Variants in NNMT observed in about 807,000 individuals in gnomAD.
NNMT encodes nicotinamide N-methyltransferase.
Under a neutral mutation model 11.7 loss-of-function variants are expected in NNMT, and 10 were observed. The observed-to-expected ratio is 0.85, with a 90% CI of 0.53 to 1.45. The LOEUF (loss-of-function observed/expected upper bound fraction) is 1.45, where lower values mean the gene tolerates loss of function less well. Ranked by LOEUF, NNMT falls within the 40% of genes most tolerant of loss-of-function variation. The probability of loss-of-function intolerance (pLI) is 0.00; values close to 1 mark genes in which losing one functional copy is unlikely to be tolerated. For missense variants in NNMT, 381 were observed against 319.4 expected, an observed-to-expected ratio of 1.19 and a Z score of -1.47; for synonymous variants, 143 against 133.8, an observed-to-expected ratio of 1.07 and a Z score of -0.48.
chr11:114,297,901 A>G (rs761668745), intron 1 of NNMT, 50 bp from the exon 2 acceptor site: 19 of 1,517,410 alleles, frequency 1.3e-5, no homozygotes, highest in Non-Finnish European at 1.7e-5. Flanking sequence ...GACTCTGCCC[A>G]CTGCCATGAG....
intron 2 of NNMT, among the ~76,000 whole-genome samples, chr11:114,306,614 C>T (rs1358294523): frequency 2.6e-5 from 4 of 152,012 alleles, no homozygotes; most frequent in Non-Finnish European, 5.9e-5. Context: ...GAATCCTTTC[C>T]CTATTTCTTG....
intron 2 of NNMT, among the ~76,000 whole-genome samples, chr11:114,288,244 G>A (rs987755457): frequency 6.6e-6 from 1 of 152,096 alleles, no homozygotes; most frequent in South Asian, 2.1e-4. Flanking sequence ...TGTCCAGGAT[G>A]TTGAATGAAA....
chr11:114,275,052 C>G (rs760220470), intron 2 of NNMT, among the ~76,000 whole-genome samples: 4 of 152,216 alleles, frequency 2.6e-5, no homozygotes, highest in Non-Finnish European at 5.9e-5. Flanking sequence ...ATAGCATCTT[C>G]ACTCCCAAAA....
chr11:114,265,424 G>C (rs1436579813), intron 2 of NNMT, among the ~76,000 whole-genome samples: 1 of 152,122 alleles, frequency 6.6e-6, no homozygotes, highest in Non-Finnish European at 1.5e-5. Flanking sequence ...TTCTGCTGGA[G>C]CTCTGGATAT....
chr11:114,271,432 C>T (rs1159129778), intron 2 of NNMT, among the ~76,000 whole-genome samples: 2 of 152,200 alleles, frequency 1.3e-5, no homozygotes, highest in Admixed American at 6.5e-5. Flanking sequence ...TTAATGTCTA[C>T]TACCTATTTG....
chr11:114,268,357 CAG>C (rs1286135773), intron 2 of NNMT, among the ~76,000 whole-genome samples: 2 of 152,154 alleles, frequency 1.3e-5, no homozygotes, highest in Non-Finnish European at 2.9e-5. Context: ...CACTTGTTCA[CAG>C]AGTTCCCTCT....
intron 2 of NNMT, among the ~76,000 whole-genome samples, chr11:114,288,784 C>T (rs1945315973): frequency 6.6e-6 from 1 of 152,120 alleles, no homozygotes; most frequent in South Asian, 2.1e-4. Context: ...TAAACCAGTT[C>T]CTGAAAAATA....
At chr11:114,295,339 T>C (rs1052646692), upstream of NNMT, among the ~76,000 whole-genome samples, 1 of 152,092 alleles carries the variant, frequency 6.6e-6, no homozygotes, top group African/African-American at 2.4e-5. Context: ...GAAAGAATGC[T>C]TTAGCGGGGA....
intron 2 of NNMT, among the ~76,000 whole-genome samples, chr11:114,284,644 A>G (rs1945283790): frequency 6.6e-6 from 1 of 150,612 alleles, no homozygotes. Flanking sequence ...TTGTATTTTT[A>G]GTAGAGACGG....
At chr11:114,278,540 G>T (rs1268486383) in intron 2 of NNMT, among the ~76,000 whole-genome samples, 1 of 152,128 alleles carries the variant, frequency 6.6e-6, no homozygotes, top group Non-Finnish European at 1.5e-5. Context: ...TGATAGAACA[G>T]GCCAGTGCTC....
chr11:114,298,039 C>T lies in NNMT; in HGVS notation c.243C>T (p.Ile81=), dbSNP rs777640476. 2.5e-6 allele frequency: 4 copies of T among 1,613,934 alleles called. No individual in the cohort carries two copies. The highest frequency in any genetic ancestry group is 3.4e-6 in the Non-Finnish European group (4 of 1,180,018). Residue 81 remains isoleucine, a synonymous_variant, in exon 2 of 3, where the codon ATC becomes ATT. Transcript: ENST00000299964. The part of the protein sequence containing the change: ...LLSACESFKE[I]VVTDYSDQNL... ...CTGCTTGTGAATCCTTTAAGGAGAT[C>T]GTCGTCACTGACTACTCAGACCAGA...
chr11:114,288,453 T>C (rs1043381902), intron 2 of NNMT, among the ~76,000 whole-genome samples: 2 of 150,028 alleles, frequency 1.3e-5, no homozygotes, highest in Non-Finnish European at 1.5e-5. Flanking sequence ...TTTTTTTTTT[T>C]CTGCATCTGT....
At chr11:114,269,023 GAGGTA>G (rs1362324500) in intron 2 of NNMT, among the ~76,000 whole-genome samples, 9 of 152,034 alleles carry the variant, frequency 5.9e-5, no homozygotes, top group African/African-American at 2.2e-4. Flanking sequence ...CAAATTCTAA[GAGGTA>G]GATTATTATC....
chr11:114,272,796 C>T (rs765698967), intron 2 of NNMT, among the ~76,000 whole-genome samples: 6 of 152,164 alleles, frequency 3.9e-5, no homozygotes, highest in Admixed American at 6.5e-5. Flanking sequence ...AATCAAATAA[C>T]GGGTATCTTT....
chr11:114,280,182 G>A (rs1343396843), intron 2 of NNMT, among the ~76,000 whole-genome samples: 1 of 152,176 alleles, frequency 6.6e-6, no homozygotes, highest in East Asian at 1.9e-4. Flanking sequence ...GGCAGACAAT[G>A]AGAAAATAAA....
chr11:114,285,059 C>T (rs1033100980), intron 2 of NNMT, among the ~76,000 whole-genome samples: 1 of 152,014 alleles, frequency 6.6e-6, no homozygotes, highest in Non-Finnish European at 1.5e-5. Flanking sequence ...TGCCTGGCCC[C>T]AACATGTCTT....
intron 1 of NNMT, among the ~76,000 whole-genome samples, chr11:114,259,622 T>C (rs1394114806): frequency 1.3e-5 from 2 of 152,248 alleles, no homozygotes; most frequent in Non-Finnish European, 1.5e-5. Flanking sequence ...CCATCCCCAC[T>C]TCCACTCGTG....
At chr11:114,278,646 T>C (rs1175011349) in intron 2 of NNMT, among the ~76,000 whole-genome samples, 2 of 151,852 alleles carry the variant, frequency 1.3e-5, no homozygotes, top group Non-Finnish European at 2.9e-5. Context: ...GTGTATTATG[T>C]GTGCATATGT....
chr11:114,308,849 G>A (rs1439246826), intron 2 of NNMT, among the ~76,000 whole-genome samples: 1 of 152,076 alleles, frequency 6.6e-6, no homozygotes, highest in Admixed American at 6.6e-5. Context: ...GGACAAGCAG[G>A]GATCTATGAC....
Sources: gnomAD v4.1 joint callset for allele counts (sites outside exome capture counted in the v4.1 genomes callset) on GRCh38, gnomAD v4.1.1 for gene constraint, MANE v1.5 for transcripts, NCBI Gene and HGNC (gene_info 2026-07-23, HGNC 2026-07-21) for gene names.